PLAG1: variants seen among roughly 807,000 people sequenced by gnomAD.
The protein encoded by PLAG1 is PLAG1 zinc finger.
A neutral mutation model predicts 35.5 loss-of-function variants in PLAG1; 7 were observed. That is an observed-to-expected ratio of 0.20 (90% CI 0.11 to 0.37). The LOEUF is 0.37. Ranked by LOEUF, PLAG1 falls within the 10% of genes least tolerant of loss-of-function variation. The pLI is 1.00. For missense variants in PLAG1, 454 were observed against 602.8 expected (o/e 0.75, Z 2.58); for synonymous variants, 229 against 225.4 (o/e 1.02, Z -0.14).
intron 1 of PLAG1, among the ~76,000 whole-genome samples, chr8:56,191,950 G>A (rs984121362): frequency 3.3e-5 from 5 of 152,154 alleles, no homozygotes; most frequent in African/African-American, 1.2e-4. Flanking sequence ...TAGGCAAAAC[G>A]ATAACAAGTT....
At chr8:56,201,014 A>G (rs978478962) in intron 1 of PLAG1, among the ~76,000 whole-genome samples, 1 of 152,190 alleles carries the variant, frequency 6.6e-6, no homozygotes, top group African/African-American at 2.4e-5. Context: ...AGGAATATTT[A>G]TGTGTTTATT....
Position 56,163,052 on chromosome 8 carries a change from T to A in PLAG1, c.*3191A>T, listed in dbSNP as rs1422503779. The A allele has an allele frequency of 4.8e-6, 1 of 210,064 alleles. No homozygotes were observed. Among genetic ancestry groups the A allele is most frequent in the Non-Finnish European group, 9.7e-6 (1 of 102,924 alleles). The allele number at this position is 210,064 out of a possible 1,614,324, so 13.0% of individuals were successfully genotyped here. A position where few individuals can be genotyped will look rare whatever the true frequency, so the allele number is the denominator to read the frequency against. On this transcript the variant is annotated 3_prime_UTR_variant, in exon 5 of 5. Coordinates refer to ENST00000316981, the MANE Select transcript of PLAG1 (RefSeq NM_002655.3). ...ATAACTATAAAGGTACTTGTATACA[T>A]CAATGGATAGCATTGCTTACAGTGC...
intron 1 of PLAG1, among the ~76,000 whole-genome samples, chr8:56,180,110 G>C (rs901088235): frequency 3.3e-5 from 5 of 152,176 alleles, no homozygotes; most frequent in Non-Finnish European, 7.3e-5. Flanking sequence ...GACATACAAA[G>C]AAAATGCAAA....
rs1290839249 is a variant in PLAG1 at position 56,161,697 on chromosome 8, CTT to C, written c.*4544_*4545del. On this transcript the variant is annotated 3_prime_UTR_variant, in exon 5 of 5. Transcript: ENST00000316981. ...TCACAGTATAAAAATATATTGTACA[CTT>C]TTACACCTAATGTAGTCCTTTTTCT... is the stretch of plus-strand genomic sequence containing the variant. 1 of 227,674 alleles carries C rather than the reference CTT, an allele frequency of 4.4e-6. No homozygotes were observed. Among genetic ancestry groups the C allele is most frequent in the Non-Finnish European group, 8.7e-6 (1 of 114,330 alleles). 14.1% of individuals were successfully genotyped at this position (227,674 alleles called of 1,614,324 possible).
At chr8:56,175,374 C>T (rs1811654085) in intron 2 of PLAG1, among the ~76,000 whole-genome samples, 1 of 152,254 alleles carries the variant, frequency 6.6e-6, no homozygotes, top group East Asian at 1.9e-4. Context: ...GGCTGCTGGT[C>T]CCTACAGAGG....
At chr8:56,192,368 A>T (rs560732889) in intron 1 of PLAG1, among the ~76,000 whole-genome samples, 2 of 152,252 alleles carry the variant, frequency 1.3e-5, no homozygotes, top group African/African-American at 2.4e-5. Context: ...ACTGGACTGG[A>T]AACTACCTAC....
At chr8:56,189,815 C>T (rs543495138) in intron 1 of PLAG1, among the ~76,000 whole-genome samples, 5 of 151,934 alleles carry the variant, frequency 3.3e-5, no homozygotes, top group African/African-American at 7.3e-5. Flanking sequence ...GCGTCCCAGT[C>T]GGGGGAGAAG....
At chr8:56,204,721 C>A (rs773522800) in intron 1 of PLAG1, among the ~76,000 whole-genome samples, 1 of 151,778 alleles carries the variant, frequency 6.6e-6, no homozygotes, top group Non-Finnish European at 1.5e-5. Context: ...AAATCACAAT[C>A]AATATATATA....
rs1195480869 is a variant in PLAG1, at chr8:56,161,062, A to G, written c.*5181T>C. ...TAAATCTGGTATATGGACAATAAAT[A>G]GTCTGCTTCTTTGGATGTGAATGTT... is the stretch of plus-strand genomic sequence containing the variant. On this transcript the variant is annotated 3_prime_UTR_variant, in exon 5 of 5. Coordinates refer to ENST00000316981, the MANE Select transcript of PLAG1 (RefSeq NM_002655.3). 2 of 184,292 alleles carry G rather than the reference A, an allele frequency of 1.1e-5. No homozygotes were observed. Among genetic ancestry groups the G allele is most frequent in the African/African-American group, 4.7e-5 (2 of 42,620 alleles). The allele number at this position is 184,292 out of a possible 1,614,324, so 11.4% of individuals were successfully genotyped here. A position where few individuals can be genotyped will look rare whatever the true frequency, so the allele number is the denominator to read the frequency against.
chr8:56,201,660 C>T (rs1335661731), intron 1 of PLAG1, among the ~76,000 whole-genome samples: 1 of 152,122 alleles, frequency 6.6e-6, no homozygotes, highest in South Asian at 2.1e-4. Flanking sequence ...TAGGTCTGTC[C>T]ATTCTAAAGA....
At chr8:56,190,139 AGTT>A (rs979363785) in intron 1 of PLAG1, among the ~76,000 whole-genome samples, 3 of 152,134 alleles carry the variant, frequency 2.0e-5, no homozygotes, top group Non-Finnish European at 4.4e-5. Flanking sequence ...AGCCCTACAG[AGTT>A]GTTGTGAGGA....
chr8:56,188,215 G>T (rs1421085327), intron 1 of PLAG1, among the ~76,000 whole-genome samples: 3 of 152,152 alleles, frequency 2.0e-5, no homozygotes, highest in African/African-American at 7.2e-5. Context: ...ATGAAGGCAA[G>T]TTTGGCAAGA....
In PLAG1 at chr8:56,198,572, T is replaced by C. The variant is rs374527242; in HGVS notation, c.-322+12549A>G. On this transcript the variant is annotated intron_variant, in intron 1 of 4. Transcript: ENST00000316981. Reference sequence around the variant, plus strand: ...GACGTTACAAGACAGTCCAGCAAGATGGCTTTCTGCCCGGTCCCCTATCTC... The same window carrying C: ...GACGTTACAAGACAGTCCAGCAAGACGGCTTTCTGCCCGGTCCCCTATCTC... Among the ~76,000 whole-genome samples the C allele has an allele frequency of 4.6e-5, 7 of 152,326 alleles. 1 individual carries two copies. Among genetic ancestry groups the C allele is most frequent in the African/African-American group, 1.2e-4 (5 of 41,580 alleles).
At position 56,164,701 on chromosome 8, in the gene PLAG1, G is replaced by A. The variant is rs543672619; in HGVS notation, c.*1542C>T. On this transcript the variant is annotated 3_prime_UTR_variant, in exon 5 of 5. Coordinates refer to ENST00000316981, the MANE Select transcript of PLAG1 (RefSeq NM_002655.3). ...AGGTTAATGTCCCAACTGACCCTTAGAAAAATATATTAATTAGACCTTTAA... is the reference window on the plus strand; with the variant it reads ...AGGTTAATGTCCCAACTGACCCTTAAAAAAATATATTAATTAGACCTTTAA... 20 of 218,246 alleles carry A rather than the reference G, an allele frequency of 9.2e-5. No homozygotes were observed. Among genetic ancestry groups the A allele is most frequent in the African/African-American group, 4.5e-4 (20 of 44,542 alleles). 13.5% of individuals were successfully genotyped at this position (218,246 alleles called of 1,614,324 possible).
Position 56,165,123 on chromosome 8 carries a change from T to G in PLAG1, c.*1120A>C, listed in dbSNP as rs1252981210. On this transcript the variant is annotated 3_prime_UTR_variant, in exon 5 of 5. Coordinates refer to ENST00000316981, the MANE Select transcript of PLAG1 (RefSeq NM_002655.3). ...AAAACATATCAAATTCAGCAAGAAA[T>G]GATATAAGCGATATGCTTTTACTTT... 1 of 209,314 alleles carries G rather than the reference T, an allele frequency of 4.8e-6. No homozygotes were observed. Among genetic ancestry groups the G allele is most frequent in the Non-Finnish European group, 9.7e-6 (1 of 102,960 alleles). The allele number at this position is 209,314 out of a possible 1,614,324, so 13.0% of individuals were successfully genotyped here.
At chr8:56,200,255 T>G (rs1161163513) in intron 1 of PLAG1, among the ~76,000 whole-genome samples, 1 of 152,230 alleles carries the variant, frequency 6.6e-6, no homozygotes, top group Non-Finnish European at 1.5e-5. Context: ...CGTTAATGTC[T>G]CTATAACACA....
intron 2 of PLAG1, among the ~76,000 whole-genome samples, chr8:56,175,997 CGTTAA>C (rs888086133): frequency 4.0e-5 from 6 of 150,872 alleles, no homozygotes; most frequent in African/African-American, 9.7e-5. Context: ...AAAAATGCCA[CGTTAA>C]GTTAAAAGTT....
In PLAG1 at chr8:56,163,194, T is replaced by C. The variant is rs1163810070; in HGVS notation, c.*3049A>G. 4 of 200,102 alleles carry C rather than the reference T, an allele frequency of 2.0e-5. No individual in the cohort carries two copies. Among genetic ancestry groups the C allele is most frequent in the African/African-American group, 9.3e-5 (4 of 43,218 alleles). 12.4% of individuals were successfully genotyped at this position (200,102 alleles called of 1,614,324 possible). A position where few individuals can be genotyped will look rare whatever the true frequency, so the allele number is the denominator to read the frequency against. The stretch of plus-strand genomic sequence containing the variant: ...TGAGGCCCAAATTCTAAACTACTTT[T>C]ATTTAATGTTAATCCCTTTTTTTTT... On this transcript the variant is annotated 3_prime_UTR_variant, in exon 5 of 5. Transcript: ENST00000316981.
chr8:56,175,873 C>G (rs1811672065), intron 2 of PLAG1, among the ~76,000 whole-genome samples: 1 of 152,160 alleles, frequency 6.6e-6, no homozygotes, highest in Non-Finnish European at 1.5e-5. Context: ...TCAGGCCACT[C>G]ATTTTCTAGA....
Sources: allele counts gnomAD v4.1 joint callset (sites outside exome capture counted in the v4.1 genomes callset), GRCh38; gene constraint gnomAD v4.1.1; transcripts MANE v1.5; gene names NCBI Gene and HGNC (gene_info 2026-07-23, HGNC 2026-07-21).